AGPS: variants seen among roughly 807,000 people sequenced by gnomAD.
The protein encoded by AGPS is alkyldihydroxyacetonephosphate synthase, peroxisomal.
In AGPS, 26 loss-of-function variants were observed where a neutral mutation model predicts 90.7. The ratio of observed to expected loss-of-function variants is 0.29; its 90% CI spans 0.21 to 0.40. The LOEUF (loss-of-function observed/expected upper bound fraction) is 0.40, where lower values mean the gene tolerates loss of function less well. Among genes scored for constraint, AGPS ranks in the 10% least tolerant of loss-of-function variants. The probability of loss-of-function intolerance (pLI) is 1.00; values close to 1 mark genes in which losing one functional copy is unlikely to be tolerated. For synonymous variants in AGPS, 294 were observed against 285.3 expected (o/e 1.03, Z -0.31); for missense variants, 540 against 816.1 (o/e 0.66, Z 4.12).
intron 12 of AGPS, among the ~76,000 whole-genome samples, chr2:177,497,311 A>G (rs1207439734): frequency 6.6e-6 from 1 of 151,918 alleles, no homozygotes; most frequent in East Asian, 1.9e-4. Context: ...AAAAAAAAGT[A>G]AAACCAGCCA....
chr2:177,427,246 TTTCTTC>T (rs1686111646), intron 2 of AGPS, among the ~76,000 whole-genome samples: 1 of 152,154 alleles, frequency 6.6e-6, no homozygotes, highest in South Asian at 2.1e-4. Flanking sequence ...TCTTCTCTCT[TTTCTTC>T]TTTATTAGTC....
At chr2:177,415,073 T>C (rs1284815986) in intron 1 of AGPS, among the ~76,000 whole-genome samples, 2 of 152,162 alleles carry the variant, frequency 1.3e-5, no homozygotes, top group East Asian at 3.8e-4. Flanking sequence ...ATGGATTTTA[T>C]TGTTTCTCCT....
intron 10 of AGPS, among the ~76,000 whole-genome samples, chr2:177,471,582 G>A (rs1028401981): frequency 6.6e-6 from 1 of 151,984 alleles, no homozygotes; most frequent in Non-Finnish European, 1.5e-5. Context: ...GTACATTTTT[G>A]TTTTTTAACC....
At chr2:177,465,656 G>A (rs2105671445) in intron 9 of AGPS, among the ~76,000 whole-genome samples, 1 of 152,360 alleles carries the variant, frequency 6.6e-6, no homozygotes, top group East Asian at 1.9e-4. Context: ...CAAGGCTGCT[G>A]CTGGACCAGG....
chr2:177,424,081 A>G (rs937547419), intron 2 of AGPS, among the ~76,000 whole-genome samples: 3 of 152,086 alleles, frequency 2.0e-5, no homozygotes, highest in Non-Finnish European at 4.4e-5. Flanking sequence ...CCCACTATCC[A>G]TTAGCTGTTT....
At position 177,399,478 on chromosome 2, in the gene AGPS, G is replaced by C. The variant is rs574550371; in HGVS notation, c.260+6429G>C. ...ACTGAGAGATAAGACACAGGATACA[G>C]ACAGAGAGGTAAAAACATTAGCTTT... On this transcript the variant is annotated intron_variant, in intron 1 of 19. Coordinates refer to ENST00000264167, the MANE Select transcript of AGPS (RefSeq NM_003659.4). Among the ~76,000 whole-genome samples, 5 of 152,242 alleles carry C rather than the reference G, an allele frequency of 3.3e-5. No homozygotes were observed. In the South Asian group the frequency reaches 1.0e-3, roughly 32 times the overall value.
At chr2:177,401,834 C>T (rs1394194498) in intron 1 of AGPS, among the ~76,000 whole-genome samples, 1 of 152,202 alleles carries the variant, frequency 6.6e-6, no homozygotes, top group Non-Finnish European at 1.5e-5. Flanking sequence ...GTGTGAGCCA[C>T]CGTGCCCGGC....
Position 177,493,142 on chromosome 2 carries a change from A to C in AGPS, c.1234-6A>C. 12 of 1,611,716 alleles carry C rather than the reference A, an allele frequency of 7.4e-6. No homozygotes were observed. The highest frequency in any genetic ancestry group is 1.0e-5 in the Non-Finnish European group (12 of 1,178,764). On this transcript the variant is annotated splice_polypyrimidine_tract_variant and splice_region_variant and intron_variant, in intron 11 of 19. Transcript: ENST00000264167. Reference sequence around the variant, plus strand: ...TGTATCACTTTTTTTTTTCTTTTTAAAACAGAGATGTGCTCCGGCATCTAT... The same window carrying C: ...TGTATCACTTTTTTTTTTCTTTTTACAACAGAGATGTGCTCCGGCATCTAT...
chr2:177,417,615 G>A (rs1685824079), intron 1 of AGPS, among the ~76,000 whole-genome samples: 1 of 152,166 alleles, frequency 6.6e-6, no homozygotes, highest in South Asian at 2.1e-4. Context: ...TTATGAGACT[G>A]GAAGTCAGCC....
intron 1 of AGPS, among the ~76,000 whole-genome samples, chr2:177,399,580 C>T (rs141259533): frequency 1.3e-5 from 2 of 152,302 alleles, no homozygotes; most frequent in African/African-American, 4.8e-5. Flanking sequence ...CACTCCATCA[C>T]AGGCAGTGTA....
intron 1 of AGPS, among the ~76,000 whole-genome samples, chr2:177,409,106 C>T (rs754367542): frequency 6.6e-6 from 1 of 151,864 alleles, no homozygotes; most frequent in Non-Finnish European, 1.5e-5. Flanking sequence ...ATGGGTTTGC[C>T]GGAAGCAAAG....
chr2:177,434,389 T>C lies in AGPS; in HGVS notation c.413T>C (p.Val138Ala). ...FKEWIQNTLG[V>A]NVEHKTTSKA... is the part of the protein sequence containing the mutation. ...GAATGGATCCAAAATACCCTTGGAGTAAATGTGGAGCATAAAACTACCTCT... is the reference window on the plus strand; with the variant it reads ...GAATGGATCCAAAATACCCTTGGAGCAAATGTGGAGCATAAAACTACCTCT... Residue 138 changes from valine to alanine, a missense_variant, in exon 3 of 20, where the codon GTA becomes GCA. Transcript: ENST00000264167. The C allele has an allele frequency of 6.2e-7, 1 of 1,612,830 alleles. No individual in the cohort carries two copies. Among genetic ancestry groups the C allele is most frequent in the Middle Eastern group, 1.7e-4 (1 of 5,874 alleles).
Position 177,392,775 on chromosome 2 carries a change from C to G in AGPS, c.-15C>G. ...CGCGCCCAGCGGTTCCGGGCGGCAG[C>G]ACAAGGCGGTAGCCATGGCGGAGGC... On this transcript the variant is annotated 5_prime_UTR_variant, in exon 1 of 20. Transcript: ENST00000264167. 6.8e-7 allele frequency: 1 copy of G among 1,467,546 alleles called. No individual in the cohort carries two copies. The allele number at this position is 1,467,546 out of a possible 1,614,324, so 90.9% of individuals were successfully genotyped here. A position where few individuals can be genotyped will look rare whatever the true frequency, so the allele number is the denominator to read the frequency against.
At chr2:177,465,821 C>T (rs1288349736) in intron 9 of AGPS, among the ~76,000 whole-genome samples, 1 of 152,230 alleles carries the variant, frequency 6.6e-6, no homozygotes, top group African/African-American at 2.4e-5. Context: ...CAGCTCTTCT[C>T]TCCTTCTCTT....
chr2:177,419,217 ACTTG>A (rs59463872), intron 1 of AGPS, among the ~76,000 whole-genome samples: 15,448 of 151,952 alleles, frequency 0.1, 1,136 homozygotes, highest in East Asian at 0.34. Flanking sequence ...TAATAAAAAA[ACTTG>A]CTTGTCAGTT....
chr2:177,484,940 T>A (rs1024141963), intron 11 of AGPS, among the ~76,000 whole-genome samples: 21 of 151,968 alleles, frequency 1.4e-4, no homozygotes, highest in Admixed American at 5.9e-4. Flanking sequence ...AATTTTTTTT[T>A]AAACTTTTGT....
At chr2:177,537,679 G>A (rs12693121) in intron 19 of AGPS, among the ~76,000 whole-genome samples, 131,920 of 152,148 alleles carry the variant, frequency 0.87, 57,400 homozygotes, top group East Asian at 0.98. Flanking sequence ...CAACAAATTC[G>A]TCTCAATGTG....
rs140545958 is a variant in AGPS, at chr2:177,426,705, A to G, written c.350+6347A>G. Among the ~76,000 whole-genome samples, 137 of 151,954 alleles carry G rather than the reference A, an allele frequency of 9.0e-4. 1 individual carries two copies. The highest frequency in any genetic ancestry group is 3.0e-3 in the African/African-American group (124 of 41,494). On this transcript the variant is annotated intron_variant, in intron 2 of 19. Coordinates refer to ENST00000264167, the MANE Select transcript of AGPS (RefSeq NM_003659.4). ...TGATAAATTACATTTATTGATTTGC[A>G]TATGTTGAACCAACCTTGATTGTGG...
At chr2:177,394,913 G>A (rs1685130023) in intron 1 of AGPS, among the ~76,000 whole-genome samples, 1 of 152,150 alleles carries the variant, frequency 6.6e-6, no homozygotes, top group African/African-American at 2.4e-5. Context: ...AGGGAGAAAT[G>A]CTGGGATTCT....
Sources: allele counts gnomAD v4.1 joint callset (sites outside exome capture counted in the v4.1 genomes callset), GRCh38; gene constraint gnomAD v4.1.1; transcripts MANE v1.5; gene names NCBI Gene and HGNC (gene_info 2026-07-23, HGNC 2026-07-21).